PARVA: variants seen among roughly 807,000 people sequenced by gnomAD.
The protein encoded by PARVA is alpha-parvin.
In PARVA, 25 loss-of-function variants were observed where a neutral mutation model predicts 52.6. The ratio of observed to expected loss-of-function variants is 0.48; its 90% CI spans 0.35 to 0.66. PARVA has a LOEUF of 0.66. Among genes scored for constraint, PARVA ranks in the 30% least tolerant of loss-of-function variants. PARVA has a pLI of 0.01. For missense variants in PARVA, 373 were observed against 450.9 expected, an observed-to-expected ratio of 0.83 and a Z score of 1.56; for synonymous variants, 185 against 179.1, an observed-to-expected ratio of 1.03 and a Z score of -0.26.
intron 1 of PARVA, among the ~76,000 whole-genome samples, chr11:12,406,847 T>C (rs1252499443): frequency 6.6e-6 from 1 of 151,900 alleles, no homozygotes; most frequent in Admixed American, 6.6e-5. Context: ...ATTGTTTGTG[T>C]TTTTAGTAGA....
intron 1 of PARVA, among the ~76,000 whole-genome samples, chr11:12,442,420 G>A (rs772423196): frequency 6.6e-6 from 1 of 152,222 alleles, no homozygotes; most frequent in Admixed American, 6.5e-5. Context: ...ACTTAGGATG[G>A]TGGATGGCCA....
intron 1 of PARVA, among the ~76,000 whole-genome samples, chr11:12,417,435 A>G (rs1940083341): frequency 6.6e-6 from 1 of 152,226 alleles, no homozygotes; most frequent in Admixed American, 6.5e-5. Context: ...AAGGGTATAT[A>G]TGTAAAAATA....
intron 1 of PARVA, among the ~76,000 whole-genome samples, chr11:12,442,906 A>G (rs1422817401): frequency 1.4e-5 from 2 of 143,768 alleles, no homozygotes; most frequent in Non-Finnish European, 3.0e-5. Context: ...TCTGTCCCCC[A>G]GGCTGGAGTG....
intron 1 of PARVA, among the ~76,000 whole-genome samples, chr11:12,471,702 G>A (rs1465464824): frequency 1.3e-5 from 2 of 152,196 alleles, no homozygotes; most frequent in Admixed American, 1.3e-4. Flanking sequence ...TGGTGTTGTA[G>A]GTACCAGCCA....
intron 1 of PARVA, among the ~76,000 whole-genome samples, chr11:12,395,391 A>C (rs1939727090): frequency 6.6e-6 from 1 of 152,224 alleles, no homozygotes; most frequent in Non-Finnish European, 1.5e-5. Context: ...GCCATTGGTC[A>C]GCTTTTGAAC....
At chr11:12,437,962 A>G (rs1940409657) in intron 1 of PARVA, among the ~76,000 whole-genome samples, 1 of 152,114 alleles carries the variant, frequency 6.6e-6, no homozygotes. Context: ...TGGTTCTATA[A>G]AAGAATACCA....
intron 1 of PARVA, among the ~76,000 whole-genome samples, chr11:12,400,440 G>T (rs1233382543): frequency 6.6e-6 from 1 of 152,196 alleles, no homozygotes; most frequent in African/African-American, 2.4e-5. Flanking sequence ...AATGTGTGTA[G>T]AAAGTCTGTG....
intron 10 of PARVA, among the ~76,000 whole-genome samples, chr11:12,516,848 G>A (rs1026943561): frequency 3.9e-5 from 6 of 152,206 alleles, no homozygotes; most frequent in African/African-American, 1.4e-4. Flanking sequence ...TGAGTACAGA[G>A]AAGTGACATA....
chr11:12,496,479 T>TA lies in PARVA; in HGVS notation c.425dup (p.Asn142LysfsTer4), dbSNP rs1564862359. On this transcript the variant is annotated frameshift_variant, in exon 5 of 13. Coordinates refer to ENST00000334956, the MANE Select transcript of PARVA (RefSeq NM_018222.5). LOFTEE classifies it high-confidence loss of function. ...TCAGAGAAACTGGAGAGTGAGAAGC[T>TA]AAATGTGGCTGAGGTCACCCAGTCA... The TA allele has an allele frequency of 6.2e-7, 1 of 1,608,266 alleles. No homozygotes were observed. Among genetic ancestry groups the TA allele is most frequent in the Non-Finnish European group, 8.5e-7 (1 of 1,177,350 alleles).
intron 1 of PARVA, among the ~76,000 whole-genome samples, chr11:12,472,296 C>A (rs1418116917): frequency 6.6e-6 from 1 of 152,220 alleles, no homozygotes; most frequent in Admixed American, 6.5e-5. Flanking sequence ...GCATTCAAAG[C>A]CATCCTGGAC....
In PARVA at chr11:12,435,359, T is replaced by A. The variant is rs114999396; in HGVS notation, c.137-38386T>A. On this transcript the variant is annotated intron_variant, in intron 1 of 12. Transcript: ENST00000334956. ...CAGCCAAGATCCTGATTCCAGAACA[T>A]GGGGAAAAGTACAGAGGGTTGACCA... Among the ~76,000 whole-genome samples the A allele has an allele frequency of 4.6e-3, 706 of 152,308 alleles. 5 individuals carry two copies. The highest frequency in any genetic ancestry group is 0.016 in the African/African-American group (680 of 41,566).
At chr11:12,430,484 C>A (rs908779138) in intron 1 of PARVA, among the ~76,000 whole-genome samples, 4 of 152,112 alleles carry the variant, frequency 2.6e-5, no homozygotes, top group Non-Finnish European at 5.9e-5. Flanking sequence ...CGTCACCTTG[C>A]CCCTCCTGGA....
At chr11:12,525,803 G>C (rs1485856241) in intron 12 of PARVA, among the ~76,000 whole-genome samples, 1 of 152,138 alleles carries the variant, frequency 6.6e-6, no homozygotes, top group Non-Finnish European at 1.5e-5. Context: ...CCTCTCCATG[G>C]GTCTCTGGAA....
chr11:12,421,445 C>A (rs1940148231), intron 1 of PARVA, among the ~76,000 whole-genome samples: 1 of 152,178 alleles, frequency 6.6e-6, no homozygotes, highest in Non-Finnish European at 1.5e-5. Context: ...CCAGAAAAAT[C>A]CCAGCAACAG....
chr11:12,463,375 G>GT (rs1236883012), intron 1 of PARVA, among the ~76,000 whole-genome samples: 2 of 151,956 alleles, frequency 1.3e-5, no homozygotes, highest in Admixed American at 6.6e-5. Context: ...CTCAGACTTG[G>GT]TTTTTTTATG....
chr11:12,500,681 C>T (rs147848326), intron 5 of PARVA, among the ~76,000 whole-genome samples: 6,057 of 151,934 alleles, frequency 0.04, 370 homozygotes, highest in African/African-American at 0.13. Flanking sequence ...ATCCCAGCTA[C>T]TCGGGAGGCT....
rs1564872844 is a variant in PARVA, at chr11:12,529,911, ATTTC to A, written c.*1990_*1993del. 4.6e-5 allele frequency: 7 copies of A among 152,306 alleles called. 1 individual carries two copies. In the South Asian group the frequency reaches 1.5e-3, roughly 32 times the overall value. 9.4% of individuals were successfully genotyped at this position (152,306 alleles called of 1,614,324 possible). ...ATTAGGAAACACTAAATAGTGTAAT[ATTTC>A]TTTTGCTTTTAAAAAAATTCCTGGT... On this transcript the variant is annotated 3_prime_UTR_variant, in exon 13 of 13. Transcript: ENST00000334956.
At chr11:12,486,535 A>C (rs927875137) in intron 4 of PARVA, among the ~76,000 whole-genome samples, 4 of 151,900 alleles carry the variant, frequency 2.6e-5, no homozygotes, top group African/African-American at 4.8e-5. Flanking sequence ...CTCTGTCTCA[A>C]AAATAAAAAT....
rs548436801 is a variant in PARVA, at chr11:12,432,012, C to T, written c.137-41733C>T. Among the ~76,000 whole-genome samples the T allele has an allele frequency of 6.6e-5, 10 of 152,354 alleles. No homozygotes were observed. The South Asian group carries it at 2.1e-3, about 32-fold the overall frequency. ...AATCAGAATCATAAACGAAATGAAA[C>T]TCCTTTCTCCAAAAGGGAAGAGCTC... is the stretch of plus-strand genomic sequence containing the variant. On this transcript the variant is annotated intron_variant, in intron 1 of 12. Coordinates refer to ENST00000334956, the MANE Select transcript of PARVA (RefSeq NM_018222.5).
Sources: gnomAD v4.1 joint callset for allele counts (sites outside exome capture counted in the v4.1 genomes callset) on GRCh38, gnomAD v4.1.1 for gene constraint, MANE v1.5 for transcripts, NCBI Gene and HGNC (gene_info 2026-07-23, HGNC 2026-07-21) for gene names.